Variants in SCN2A observed in about 807,000 individuals in gnomAD.
The protein encoded by SCN2A is sodium voltage-gated channel alpha subunit 2.
A neutral mutation model predicts 188.7 loss-of-function variants in SCN2A; 20 were observed. The observed-to-expected ratio is 0.11, with a 90% confidence interval of 0.07 to 0.15. The LOEUF is 0.15. SCN2A is among the 10% of genes least tolerant of loss of function. SCN2A has a pLI of 1.00. For synonymous variants in SCN2A, 804 were observed against 833.1 expected, an observed-to-expected ratio of 0.97 and a Z score of 0.60; for missense variants, 1,278 against 2,445.0, an observed-to-expected ratio of 0.52 and a Z score of 10.07.
intron 1 of SCN2A, chr2:165,293,914 A>G (rs1187040931): frequency 1.4e-5 from 14 of 978,178 alleles, no homozygotes; most frequent in Non-Finnish European, 1.7e-5. Context: ...AGTTACAATA[A>G]TGCCATTTTG....
rs72874365 is a variant in SCN2A, at chr2:165,363,506, G to A, written c.3400-1637G>A. Among the ~76,000 whole-genome samples, 978 of 152,038 alleles carry A rather than the reference G, an allele frequency of 6.4e-3. 7 individuals are homozygous for A. The highest frequency in any genetic ancestry group is 0.01 in the Non-Finnish European group (702 of 67,964). The stretch of plus-strand genomic sequence containing the variant: ...GATCAGTATTATCAGGTCCCTAATA[G>A]CATAACAGGTTCGTGTGAATTAGAT... On this transcript the variant is annotated intron_variant, in intron 17 of 26. Coordinates refer to ENST00000375437, the MANE Select transcript of SCN2A (RefSeq NM_001040142.2).
chr2:165,275,738 C>A (rs899415155), intron 1 of SCN2A, among the ~76,000 whole-genome samples: 1 of 151,808 alleles, frequency 6.6e-6, no homozygotes, highest in Admixed American at 6.6e-5. Flanking sequence ...TTGAGTTATA[C>A]CCTTTTTTTT....
intron 1 of SCN2A, among the ~76,000 whole-genome samples, chr2:165,280,178 T>C (rs1429188306): frequency 1.3e-5 from 2 of 152,234 alleles, no homozygotes; most frequent in Non-Finnish European, 2.9e-5. Context: ...TTAAAAGCAA[T>C]GGTAATTTGT....
chr2:165,339,828 A>C (rs529527889), intron 14 of SCN2A, among the ~76,000 whole-genome samples: 1 of 152,300 alleles, frequency 6.6e-6, no homozygotes, highest in East Asian at 1.9e-4. Context: ...GCAAATACAC[A>C]GTGCTTAAAA....
At chr2:165,377,179 T>C (rs1186184613) in intron 22 of SCN2A, among the ~76,000 whole-genome samples, 2 of 152,008 alleles carry the variant, frequency 1.3e-5, no homozygotes, top group Non-Finnish European at 2.9e-5. Flanking sequence ...GTAATAATCA[T>C]TTAGAAAAGA....
chr2:165,279,509 A>T (rs1695491346), intron 1 of SCN2A, among the ~76,000 whole-genome samples: 1 of 152,166 alleles, frequency 6.6e-6, no homozygotes, highest in Non-Finnish European at 1.5e-5. Flanking sequence ...TAAATGATAA[A>T]GTTTTTAGAC....
At chr2:165,368,041 A>G (rs1009868742) in intron 19 of SCN2A, among the ~76,000 whole-genome samples, 9 of 152,186 alleles carry the variant, frequency 5.9e-5, no homozygotes, top group African/African-American at 1.9e-4. Context: ...ACCCAAGTTC[A>G]TGTCCGGCGT....
chr2:165,293,112 A>C (rs1696309221), intron 1 of SCN2A, among the ~76,000 whole-genome samples: 2 of 152,196 alleles, frequency 1.3e-5, no homozygotes, highest in South Asian at 4.1e-4. Flanking sequence ...GAATTAGCAA[A>C]GAACTACATT....
intron 3 of SCN2A, among the ~76,000 whole-genome samples, chr2:165,305,694 C>G (rs1004837031): frequency 1.2e-4 from 19 of 152,094 alleles, no homozygotes; most frequent in African/African-American, 4.6e-4. Flanking sequence ...TCAAATTATC[C>G]TTTTGTTTTT....
intron 1 of SCN2A, among the ~76,000 whole-genome samples, chr2:165,283,207 T>C (rs1439784574): frequency 1.3e-5 from 2 of 152,136 alleles, no homozygotes; most frequent in Non-Finnish European, 2.9e-5. Context: ...ATTTAACAAA[T>C]GGTATAAATT....
chr2:165,291,528 C>CTT (rs1559340566), intron 1 of SCN2A, among the ~76,000 whole-genome samples: 3 of 27,770 alleles, frequency 1.1e-4, no homozygotes, highest in Non-Finnish European at 1.5e-4. Flanking sequence ...TCCTTTCTTT[C>CTT]CTTCCTTCCT....
At chr2:165,345,346 C>A (rs1298602631) in intron 16 of SCN2A, among the ~76,000 whole-genome samples, 1 of 152,120 alleles carries the variant, frequency 6.6e-6, no homozygotes, top group Non-Finnish European at 1.5e-5. Context: ...ATGGTATGAG[C>A]AAGTAACATT....
chr2:165,391,932 G>C lies in SCN2A; in HGVS notation c.*2108G>C, dbSNP rs1479878852. ...ATAAATGTAGATTCTTTATACTGAA[G>C]CTATTGACTTGTAGTGTGTTGGTGA... On this transcript the variant is annotated 3_prime_UTR_variant, in exon 27 of 27. Transcript: ENST00000375437. The C allele has an allele frequency of 6.6e-6, 1 of 152,528 alleles. No individual in the cohort carries two copies. Among genetic ancestry groups the C allele is most frequent in the Non-Finnish European group, 1.5e-5 (1 of 67,974 alleles). The allele number at this position is 152,528 out of a possible 1,614,324, so 9.4% of individuals were successfully genotyped here.
intron 1 of SCN2A, among the ~76,000 whole-genome samples, chr2:165,249,972 C>T (rs1461364519): frequency 1.3e-5 from 2 of 151,746 alleles, no homozygotes; most frequent in African/African-American, 4.8e-5. Flanking sequence ...AACTTTTGTC[C>T]TAATCAAATC....
Position 165,326,977 on chromosome 2 carries a change from C to A in SCN2A, c.2142C>A (p.Thr714=). ...GTATAGCCAGTATTTTGACCAACAC[C>A]ATGGAAGGTATGTTAAAAGTCCTGC... is the stretch of plus-strand genomic sequence containing the variant. The part of the protein sequence containing the change: ...AMSIASILTN[T]MEELEESRQK... The change falls in exon 13 of 27, where the codon ACC becomes ACA. Residue 714 remains threonine (T), a synonymous_variant. Coordinates refer to ENST00000375437, the MANE Select transcript of SCN2A (RefSeq NM_001040142.2). 2 of 1,613,902 alleles carry A rather than the reference C, an allele frequency of 1.2e-6. No individual in the cohort carries two copies. Among genetic ancestry groups the A allele is most frequent in the Non-Finnish European group, 8.5e-7 (1 of 1,179,866 alleles).
intron 11 of SCN2A, among the ~76,000 whole-genome samples, chr2:165,318,819 C>A (rs13023748): frequency 1.5e-4 from 23 of 152,082 alleles, no homozygotes; most frequent in East Asian, 1.2e-3. Flanking sequence ...CTGCAAATCC[C>A]GTAACTGTTA....
At chr2:165,249,603 C>T (rs896139002) in intron 1 of SCN2A, among the ~76,000 whole-genome samples, 4 of 151,762 alleles carry the variant, frequency 2.6e-5, no homozygotes, top group Non-Finnish European at 5.9e-5. Flanking sequence ...GAAAATTGAC[C>T]TCATCGTTTT....
intron 1 of SCN2A, among the ~76,000 whole-genome samples, chr2:165,253,136 G>C (rs1694166656): frequency 6.6e-6 from 1 of 151,996 alleles, no homozygotes; most frequent in African/African-American, 2.4e-5. Flanking sequence ...GAAAGGATAG[G>C]GGGGTTCTTA....
At chr2:165,275,387 T>C (rs2106111748) in intron 1 of SCN2A, among the ~76,000 whole-genome samples, 1 of 152,288 alleles carries the variant, frequency 6.6e-6, no homozygotes, top group East Asian at 1.9e-4. Context: ...AAATTTTCTT[T>C]CCCTGGAGCA....
Sources: allele counts gnomAD v4.1 joint callset (sites outside exome capture counted in the v4.1 genomes callset), GRCh38; gene constraint gnomAD v4.1.1; transcripts MANE v1.5; gene names NCBI Gene and HGNC (gene_info 2026-07-23, HGNC 2026-07-21).